The following FLNB variants were observed in gnomAD, a reference collection of about 807,000 sequenced individuals.
FLNB encodes the protein filamin-B.
Under a neutral mutation model 250.6 loss-of-function variants are expected in FLNB, and 111 were observed. That is an observed-to-expected ratio of 0.44 (90% CI 0.38 to 0.52). FLNB has a LOEUF of 0.52. Ranked by LOEUF, FLNB falls within the 20% of genes least tolerant of loss-of-function variation. FLNB has a pLI of 0.00. For synonymous variants in FLNB, 1,302 were observed against 1,372.1 expected, an observed-to-expected ratio of 0.95 and a Z score of 1.13; for missense variants, 2,869 against 3,447.8, an observed-to-expected ratio of 0.83 and a Z score of 4.20.
At chr3:58,047,093 TA>T (rs1378755026) in intron 1 of FLNB, among the ~76,000 whole-genome samples, 1 of 152,258 alleles carries the variant, frequency 6.6e-6, no homozygotes, top group Non-Finnish European at 1.5e-5. Flanking sequence ...ATTTGGAGAT[TA>T]AAAGACAAAC....
chr3:58,081,743 C>G lies in FLNB; in HGVS notation c.754C>G (p.Leu252Val). Residue 252 changes from leucine to valine, a missense_variant, in exon 4 of 46, where the codon CTC becomes GTC. By Grantham distance (32) the Leu-to-Val change is conservative (BLOSUM62 1). Around this residue, in one of 5 missense-constraint regions of FLNB, gnomAD observed 308 missense variants for 466.1 expected, o/e 0.66. Transcript: ENST00000295956. ...GCCGGGGGCTCCTCTCAAACCCAAA[C>G]TCAACCCGAAGAAAGCCAGGGCCTA... is the stretch of plus-strand genomic sequence containing the variant. ...LKPGAPLKPK[L>V]NPKKARAYGR... 6.2e-7 allele frequency: 1 copy of G among 1,614,164 alleles called. No homozygotes were observed. Among genetic ancestry groups the G allele is most frequent in the Non-Finnish European group, 8.5e-7 (1 of 1,180,012 alleles).
intron 1 of FLNB, among the ~76,000 whole-genome samples, chr3:58,051,679 T>C (rs2097162643): frequency 6.6e-6 from 1 of 151,784 alleles, no homozygotes; most frequent in African/African-American, 2.4e-5. Context: ...AGGGCAGTTT[T>C]TTTGGGTTTT....
At chr3:58,065,954 G>A (rs2097184965) in intron 1 of FLNB, among the ~76,000 whole-genome samples, 1 of 152,178 alleles carries the variant, frequency 6.6e-6, no homozygotes, top group Non-Finnish European at 1.5e-5. Flanking sequence ...TCAGGCTGAG[G>A]CCTCCAGAGC....
chr3:58,099,902 A>C (rs2097246675), intron 8 of FLNB, among the ~76,000 whole-genome samples: 1 of 152,186 alleles, frequency 6.6e-6, no homozygotes, highest in African/African-American at 2.4e-5. Flanking sequence ...AAACACATCT[A>C]GGGCTTTTTT....
intron 4 of FLNB, among the ~76,000 whole-genome samples, chr3:58,091,483 GCAAAA>G (rs2097227240): frequency 1.3e-5 from 2 of 151,646 alleles, no homozygotes; most frequent in Non-Finnish European, 2.9e-5. Context: ...ACATCCCTAG[GCAAAA>G]CAAAACAAAA....
In FLNB at chr3:58,106,811, A is replaced by C. The variant is rs2097260484; in HGVS notation, c.1879A>C (p.Ile627Leu). Residue 627 changes from isoleucine (I) to leucine (L), a missense_variant, in exon 12 of 46, where the codon ATC becomes CTC. Ile to Leu is a conservative substitution (Grantham distance 5). Around this residue, in one of 5 missense-constraint regions of FLNB, gnomAD observed 1,348 missense variants for 1,466.7 expected, o/e 0.92. Coordinates refer to ENST00000295956, the MANE Select transcript of FLNB (RefSeq NM_001457.4). ...AVHIMCDDED[I>L]KDSPYMAFIH... ...TCACATCATGTGTGACGACGAAGAC[A>C]TCAAGGACAGCCCGTACATGGCCTT... is the stretch of plus-strand genomic sequence containing the variant. The C allele has an allele frequency of 1.2e-6, 2 of 1,614,078 alleles. No homozygotes were observed. Among genetic ancestry groups the C allele is most frequent in the African/African-American group, 2.7e-5 (2 of 74,938 alleles).
intron 18 of FLNB, among the ~76,000 whole-genome samples, chr3:58,117,644 C>T (rs945784807): frequency 2.0e-5 from 3 of 152,176 alleles, no homozygotes; most frequent in Non-Finnish European, 4.4e-5. Context: ...CCTTTCCTGC[C>T]CCTTGGCTGG....
At chr3:58,073,429 G>T (rs1278243485) in intron 1 of FLNB, among the ~76,000 whole-genome samples, 1 of 152,062 alleles carries the variant, frequency 6.6e-6, no homozygotes, top group Admixed American at 6.5e-5. Context: ...TTCCGTGCAG[G>T]GCCTGGAGTT....
chr3:58,018,156 A>G (rs1273908938), intron 1 of FLNB, among the ~76,000 whole-genome samples: 1 of 151,956 alleles, frequency 6.6e-6, no homozygotes, highest in Non-Finnish European at 1.5e-5. Context: ...TCTTACTTAT[A>G]CTACTTCTAA....
rs1217708686 is a variant in FLNB, at chr3:58,149,256, G to A, written c.6091+404G>A. ...TTGTGGAAATGAAGCATCTCTTTCT[G>A]TTTTCTCTTTGAGATGGTTTGAGTT... On this transcript the variant is annotated intron_variant, in intron 36 of 45. Transcript: ENST00000295956. 4 of 282,784 alleles carry A rather than the reference G, an allele frequency of 1.4e-5. No homozygotes were observed. The East Asian group carries it at 3.5e-4, about 25-fold the overall frequency. 17.5% of individuals were successfully genotyped at this position (282,784 alleles called of 1,614,324 possible).
intron 38 of FLNB, among the ~76,000 whole-genome samples, chr3:58,152,395 G>T (rs886847247): frequency 6.6e-6 from 1 of 152,204 alleles, no homozygotes; most frequent in Non-Finnish European, 1.5e-5. Context: ...TCCAAGATCA[G>T]GTGCCAGCAT....
At chr3:58,126,578 C>T in intron 23 of FLNB, 24 bp from the exon 24 acceptor site, 1 of 1,612,302 alleles carries the variant, frequency 6.2e-7, no homozygotes, top group South Asian at 1.1e-5. Context: ...GTGCACATTT[C>T]ACTTTCTTTT....
Position 58,168,585 on chromosome 3 carries a change from T to C in FLNB, c.7344T>C (p.Gly2448=). The change falls in exon 44 of 46, where the codon GGT becomes GGC. Residue 2448 remains glycine, a synonymous_variant. Transcript: ENST00000295956. ...YKVMYTPMAP[G]NYLISVKYGG... ...TCATGTACACCCCCATGGCTCCTGG[T>C]AACTACCTGATCAGCGTCAAATACG... 5 of 1,614,210 alleles carry C rather than the reference T, an allele frequency of 3.1e-6. No individual in the cohort carries two copies. Among genetic ancestry groups the C allele is most frequent in the Non-Finnish European group, 4.2e-6 (5 of 1,180,026 alleles).
Position 58,041,809 on chromosome 3 carries a change from C to T in FLNB, c.292+32953C>T, listed in dbSNP as rs76251655. ...GCTTGGCTTTTCTTTGTGGGCTTCC[C>T]TTAGGAGGGAAGCTTCCCGAGCAGC... On this transcript the variant is annotated intron_variant, in intron 1 of 45. Coordinates refer to ENST00000295956, the MANE Select transcript of FLNB (RefSeq NM_001457.4). Among the ~76,000 whole-genome samples the T allele has an allele frequency of 9.4e-3, 1,427 of 152,156 alleles. 22 individuals are homozygous for T. Among genetic ancestry groups the T allele is most frequent in the African/African-American group, 0.033 (1,366 of 41,506 alleles).
intron 36 of FLNB, 140 bp downstream of exon 36, chr3:58,148,992 C>G: frequency 1.3e-6 from 1 of 787,394 alleles, no homozygotes. Context: ...CCTGCATTGT[C>G]TTTTATGCCT....
At chr3:58,049,352 T>C (rs2097158825) in intron 1 of FLNB, among the ~76,000 whole-genome samples, 1 of 152,218 alleles carries the variant, frequency 6.6e-6, no homozygotes, top group South Asian at 2.1e-4. Context: ...ATCTCCGTGC[T>C]GTGGCCTTGG....
intron 1 of FLNB, among the ~76,000 whole-genome samples, chr3:58,023,071 C>T (rs1482679934): frequency 6.6e-6 from 1 of 150,556 alleles, no homozygotes. Flanking sequence ...GCCTCGGCCT[C>T]CTAAAGTGCT....
intron 1 of FLNB, among the ~76,000 whole-genome samples, chr3:58,071,845 C>T (rs2097195060): frequency 6.6e-6 from 1 of 152,154 alleles, no homozygotes; most frequent in African/African-American, 2.4e-5. Flanking sequence ...TGGATCTGGG[C>T]CCTCCTGATG....
At chr3:58,132,623 G>A in intron 25 of FLNB, 185 bp from the exon 26 acceptor site, 1 of 713,638 alleles carries the variant, frequency 1.4e-6, no homozygotes, top group Non-Finnish European at 2.4e-6. Context: ...GGTCATTTCT[G>A]CAACCATGAA....
Sources: allele counts gnomAD v4.1 joint callset (sites outside exome capture counted in the v4.1 genomes callset), GRCh38; gene constraint gnomAD v4.1.1; regional missense constraint gnomAD v4.1.1; transcripts MANE v1.5; gene names NCBI Gene and HGNC (gene_info 2026-07-23, HGNC 2026-07-21).